Variants in TMEM222 observed in about 807,000 individuals in gnomAD.
TMEM222 encodes transmembrane protein 222.
Under a neutral mutation model 25.1 loss-of-function variants are expected in TMEM222, and 18 were observed. That is an observed-to-expected ratio of 0.72 (90% CI 0.50 to 1.06). The LOEUF (loss-of-function observed/expected upper bound fraction) is 1.06. Among genes scored for constraint, TMEM222 ranks in the 50% least tolerant of loss-of-function variants. The pLI is 0.00. For synonymous variants in TMEM222, 131 were observed against 117.9 expected (o/e 1.11, Z -0.72); for missense variants, 296 against 293.7 (o/e 1.01, Z -0.06).
intron 1 of TMEM222, chr1:27,325,566 T>C (rs2014322746): frequency 1.2e-5 from 14 of 1,166,414 alleles, no homozygotes; most frequent in Non-Finnish European, 1.7e-5. Context: ...CATAGGGCTA[T>C]CCAGAGGCAC....
rs978097284 is a variant in TMEM222, at chr1:27,333,673, C to T, written c.312-285C>T. 34 of 466,108 alleles carry T rather than the reference C, an allele frequency of 7.3e-5. 1 individual carries two copies. In the Admixed American group the frequency reaches 9.7e-4, roughly 13 times the overall value. 28.9% of individuals were successfully genotyped at this position (466,108 alleles called of 1,614,324 possible). Reference sequence around the variant, plus strand: ...CTCCCAAAGGCCCCACCTCCTCATACCATCACCTTGAGGGTTAAGATTTCA... The same window carrying T: ...CTCCCAAAGGCCCCACCTCCTCATATCATCACCTTGAGGGTTAAGATTTCA... On this transcript the variant is annotated intron_variant, in intron 3 of 5. Transcript: ENST00000374076.
At position 27,322,405 on chromosome 1, in the gene TMEM222, G is replaced by A. The variant is rs1162563689; in HGVS notation, c.194+14G>A. 7.2e-7 allele frequency: 1 copy of A among 1,382,234 alleles called. No homozygotes were observed. The highest frequency in any genetic ancestry group is 9.5e-7 in the Non-Finnish European group (1 of 1,054,118). 85.6% of individuals were successfully genotyped at this position (1,382,234 alleles called of 1,614,324 possible). A position where few individuals can be genotyped will look rare whatever the true frequency, so the allele number is the denominator to read the frequency against. ...CCCGGTGCTCACGTGAGTCTCTTCCGGCATCCGCCTGGGGACGAGGAGGGC... is the reference window on the plus strand; with the variant it reads ...CCCGGTGCTCACGTGAGTCTCTTCCAGCATCCGCCTGGGGACGAGGAGGGC... On this transcript the variant is annotated intron_variant, in intron 1 of 5. Transcript: ENST00000374076.
chr1:27,325,691 C>T, intron 1 of TMEM222: 4 of 836,094 alleles, frequency 4.8e-6, no homozygotes, highest in Non-Finnish European at 6.4e-6. Context: ...CTGTGTGGAT[C>T]AGCGGCTCCA....
At position 27,322,250 on chromosome 1, in the gene TMEM222, C is replaced by A. The variant is rs761648628; in HGVS notation, c.53C>A (p.Pro18Gln). ...SLLLLPPPPP[P>Q]PRMAEVEAPT... ...CTCTTGTTGCCGCCGCCGCCACCCC[C>A]GCCCAGGATGGCGGAAGTGGAGGCG... Residue 18 changes from proline (P) to glutamine (Q), a missense_variant, in exon 1 of 6, where the codon CCG (proline) becomes CAG (glutamine). Coordinates refer to ENST00000374076, the MANE Select transcript of TMEM222 (RefSeq NM_032125.3). The A allele has an allele frequency of 4.0e-6, 6 of 1,500,278 alleles. No homozygotes were observed. The highest frequency in any genetic ancestry group is 4.7e-5 in the Admixed American group (2 of 42,214). The allele number at this position is 1,500,278 out of a possible 1,614,324, so 92.9% of individuals were successfully genotyped here. A position where few individuals can be genotyped will look rare whatever the true frequency, so the allele number is the denominator to read the frequency against.
chr1:27,330,997 GGGCAGTGT>G (rs1332691318), intron 2 of TMEM222, 193 bp downstream of exon 2: 2 of 1,473,468 alleles, frequency 1.4e-6, no homozygotes, highest in African/African-American at 2.8e-5. Flanking sequence ...CAGGCCGGGA[GGGCAGTGT>G]GGCCAGAAGG....
Position 27,322,220 on chromosome 1 carries a change from C to T in TMEM222, c.23C>T (p.Ser8Phe). The T allele has an allele frequency of 4.9e-6, 7 of 1,442,590 alleles. No individual in the cohort carries two copies. Among genetic ancestry groups the T allele is most frequent in the Non-Finnish European group, 6.4e-6 (7 of 1,090,736 alleles). 89.4% of individuals were successfully genotyped at this position (1,442,590 alleles called of 1,614,324 possible). A position where few individuals can be genotyped will look rare whatever the true frequency, so the allele number is the denominator to read the frequency against. The change falls in exon 1 of 6, where the codon TCT (serine) becomes TTT (phenylalanine). Residue 8 changes from serine (S) to phenylalanine (F), a missense_variant. By Grantham distance (155) the Ser-to-Phe change is radical (BLOSUM62 -2). Transcript: ENST00000374076. MAEAEGS[S>F]LLLLPPPPPP... ...CGCATGGCGGAAGCGGAAGGGAGTT[C>T]TCTGCTCTTGTTGCCGCCGCCGCCA...
intron 1 of TMEM222, among the ~76,000 whole-genome samples, chr1:27,323,916 T>A (rs1430300769): frequency 1.3e-5 from 2 of 152,216 alleles, no homozygotes; most frequent in African/African-American, 4.8e-5. Flanking sequence ...GGAGATATGG[T>A]CTTTAGACTT....
intron 1 of TMEM222, among the ~76,000 whole-genome samples, chr1:27,326,807 T>G (rs2014360637): frequency 6.6e-6 from 1 of 152,138 alleles, no homozygotes; most frequent in African/African-American, 2.4e-5. Context: ...GCACCTATTA[T>G]GTACTAGGTC....
chr1:27,336,060 GGCCTCCCAGT>G lies in TMEM222; in HGVS notation c.*604_*613del, dbSNP rs2014600035. 1 of 156,104 alleles carries G rather than the reference GGCCTCCCAGT, an allele frequency of 6.4e-6. No individual in the cohort carries two copies. The highest frequency in any genetic ancestry group is 1.9e-4 in the East Asian group (1 of 5,308). 9.7% of individuals were successfully genotyped at this position (156,104 alleles called of 1,614,324 possible). A position where few individuals can be genotyped will look rare whatever the true frequency, so the allele number is the denominator to read the frequency against. On this transcript the variant is annotated 3_prime_UTR_variant, in exon 6 of 6. Transcript: ENST00000374076. The stretch of plus-strand genomic sequence containing the variant: ...TGCAGTCCGCTCTTCACTGTTCCAC[GGCCTCCCAGT>G]GCCTCCCAGCATTGGACCCATCTCC...
intron 1 of TMEM222, among the ~76,000 whole-genome samples, 170 bp from the exon 2 acceptor site, chr1:27,330,550 G>A (rs1277172825): frequency 6.6e-6 from 1 of 152,196 alleles, no homozygotes; most frequent in East Asian, 1.9e-4. Flanking sequence ...CTGTCGGTTT[G>A]CAGTTACCCT....
In TMEM222 at chr1:27,334,073, C is replaced by T; in HGVS notation, c.408+19C>T. On this transcript the variant is annotated intron_variant, in intron 4 of 5. Coordinates refer to ENST00000374076, the MANE Select transcript of TMEM222 (RefSeq NM_032125.3). Reference sequence around the variant, plus strand: ...CCGCATGGTAGGTGGGCCAGGGCGGCACCGGCACTCCCCAGGTGGGGACCA... The same window carrying T: ...CCGCATGGTAGGTGGGCCAGGGCGGTACCGGCACTCCCCAGGTGGGGACCA... 6.2e-7 allele frequency: 1 copy of T among 1,614,028 alleles called. No homozygotes were observed. Among genetic ancestry groups the T allele is most frequent in the Non-Finnish European group, 8.5e-7 (1 of 1,179,944 alleles).
Position 27,325,306 on chromosome 1 carries a change from G to T in TMEM222, c.194+2915G>T, listed in dbSNP as rs547352148. 89 of 645,636 alleles carry T rather than the reference G, an allele frequency of 1.4e-4. 1 individual carries two copies. In the African/African-American group the frequency reaches 1.4e-3, roughly 10 times the overall value. 40.0% of individuals were successfully genotyped at this position (645,636 alleles called of 1,614,324 possible). On this transcript the variant is annotated intron_variant, in intron 1 of 5. Transcript: ENST00000374076. ...CTGCGCAAGGATGACATGCAGATTCGTGAAGCGTTCCATATTTTTGTCTCC... is the reference window on the plus strand; with the variant it reads ...CTGCGCAAGGATGACATGCAGATTCTTGAAGCGTTCCATATTTTTGTCTCC...
At chr1:27,322,575 G>C (rs941498271) in intron 1 of TMEM222, among the ~76,000 whole-genome samples, 184 bp downstream of exon 1, 2 of 152,214 alleles carry the variant, frequency 1.3e-5, no homozygotes, top group African/African-American at 2.4e-5. Flanking sequence ...GCTGGGACAC[G>C]CTCCCTGCTC....
At chr1:27,327,568 T>C (rs2014382141) in intron 1 of TMEM222, among the ~76,000 whole-genome samples, 2 of 152,182 alleles carry the variant, frequency 1.3e-5, no homozygotes, top group African/African-American at 4.8e-5. Context: ...TTTGTATTTT[T>C]AGTATAGACA....
intron 1 of TMEM222, among the ~76,000 whole-genome samples, chr1:27,323,133 C>G (rs1294328481): frequency 6.6e-5 from 10 of 152,168 alleles, no homozygotes; most frequent in African/African-American, 2.4e-4. Context: ...CCCATTTTAT[C>G]AGAATTAAAC....
chr1:27,333,827 C>A, intron 3 of TMEM222, 131 bp from the exon 4 acceptor site: 1 of 731,482 alleles, frequency 1.4e-6, no homozygotes, highest in Non-Finnish European at 2.3e-6. Flanking sequence ...TAACACTTGC[C>A]CCAGATCTGG....
rs1032838714 is a variant in TMEM222, at chr1:27,325,115, A to G, written c.194+2724A>G. The stretch of plus-strand genomic sequence containing the variant: ...AGCTAGGCATAGATGTGGCGCAAGT[A>G]ACTGTCACCTGTCTTTGGAGGAGAG... On this transcript the variant is annotated intron_variant, in intron 1 of 5. Coordinates refer to ENST00000374076, the MANE Select transcript of TMEM222 (RefSeq NM_032125.3). 7 of 329,100 alleles carry G rather than the reference A, an allele frequency of 2.1e-5. No individual in the cohort carries two copies. The Admixed American group carries it at 2.9e-4, about 13-fold the overall frequency. The allele number at this position is 329,100 out of a possible 1,614,324, so 20.4% of individuals were successfully genotyped here. A position where few individuals can be genotyped will look rare whatever the true frequency, so the allele number is the denominator to read the frequency against.
intron 5 of TMEM222, chr1:27,334,741 G>A (rs549463024): frequency 4.5e-5 from 56 of 1,257,778 alleles, no homozygotes; most frequent in Admixed American, 9.5e-5. Flanking sequence ...GCCCAGACTC[G>A]TGAGCCAGCA....
chr1:27,334,629 G>A, intron 5 of TMEM222: 1 of 1,439,834 alleles, frequency 6.9e-7, no homozygotes, highest in Non-Finnish European at 9.2e-7. Flanking sequence ...CTCCGGTAAA[G>A]TGAGCAGATA....
Sources: gnomAD v4.1 joint callset for allele counts (sites outside exome capture counted in the v4.1 genomes callset) on GRCh38, gnomAD v4.1.1 for gene constraint, MANE v1.5 for transcripts, NCBI Gene and HGNC (gene_info 2026-07-23, HGNC 2026-07-21) for gene names.